Variants in SPC25 observed in about 807,000 individuals in gnomAD.
SPC25 encodes kinetochore protein Spc25.
In SPC25, 22 loss-of-function variants were observed where a neutral mutation model predicts 29.6. The ratio of observed to expected loss-of-function variants is 0.74; its 90% CI spans 0.53 to 1.06. SPC25 has a LOEUF of 1.06. SPC25 is among the 50% of genes least tolerant of loss of function. The pLI, the probability that SPC25 is intolerant of heterozygous loss-of-function variation, is 0.00. For missense variants in SPC25, 230 were observed against 255.8 expected, an observed-to-expected ratio of 0.90 and a Z score of 0.69; for synonymous variants, 91 against 90.4, an observed-to-expected ratio of 1.01 and a Z score of -0.04.
intron 3 of SPC25, among the ~76,000 whole-genome samples, chr2:168,882,239 C>A (rs770446996): frequency 5.3e-5 from 8 of 152,204 alleles, no homozygotes; most frequent in Non-Finnish European, 1.0e-4. Context: ...TAGTCTTTTA[C>A]TACTTTTTTA....
At chr2:168,887,077 G>A (rs906821916) in intron 3 of SPC25, among the ~76,000 whole-genome samples, 1 of 152,138 alleles carries the variant, frequency 6.6e-6, no homozygotes, top group Non-Finnish European at 1.5e-5. Flanking sequence ...GTTACAGAGG[G>A]AATGAGAGAA....
At chr2:168,885,214 A>G (rs533968816) in intron 3 of SPC25, among the ~76,000 whole-genome samples, 2 of 152,276 alleles carry the variant, frequency 1.3e-5, no homozygotes, top group Admixed American at 1.3e-4. Flanking sequence ...TCCCTCACTT[A>G]GTAAATGCAT....
intron 4 of SPC25, chr2:168,865,644 A>G (rs1001155809): frequency 6.6e-6 from 1 of 152,188 alleles, no homozygotes; most frequent in African/African-American, 2.4e-5. Flanking sequence ...AGAAGGAAAT[A>G]AAGGGCATTC....
chr2:168,880,807 A>G (rs961607240), intron 3 of SPC25, among the ~76,000 whole-genome samples: 1 of 152,222 alleles, frequency 6.6e-6, no homozygotes, highest in Non-Finnish European at 1.5e-5. Flanking sequence ...AATGACAGGA[A>G]TGGCTGGTCA....
chr2:168,863,545 A>C (rs1351410626), intron 4 of SPC25: 16 of 985,206 alleles, frequency 1.6e-5, no homozygotes, highest in Middle Eastern at 5.2e-4. Context: ...TCTCTATGGA[A>C]TTCTCTTTAT....
At chr2:168,863,448 T>C (rs1185347144) in intron 4 of SPC25, 2 of 985,020 alleles carry the variant, frequency 2.0e-6, no homozygotes, top group African/African-American at 1.7e-5. Context: ...AAATAAAAAG[T>C]AGCTCTTGGA....
Position 168,890,355 on chromosome 2 carries a change from A to G in SPC25, c.-52T>C. On this transcript the variant is annotated 5_prime_UTR_variant, in exon 1 of 7. Coordinates refer to ENST00000282074, the MANE Select transcript of SPC25 (RefSeq NM_020675.4). ...GCCTGAGTCCCGCCGCCTTCCCCAC[A>G]CCAGATCCGCGCCCACTCTAGCCAA... 2.0e-6 allele frequency: 2 copies of G among 985,328 alleles called. No individual in the cohort carries two copies. The highest frequency in any genetic ancestry group is 2.4e-6 in the Non-Finnish European group (2 of 829,986). The allele number at this position is 985,328 out of a possible 1,614,324, so 61.0% of individuals were successfully genotyped here. A position where few individuals can be genotyped will look rare whatever the true frequency, so the allele number is the denominator to read the frequency against.
chr2:168,868,023 C>A (rs202230121), downstream of SPC25, among the ~76,000 whole-genome samples: 39 of 132,470 alleles, frequency 2.9e-4, no homozygotes, highest in East Asian at 6.3e-3. Flanking sequence ...CACAGTGCAA[C>A]CAAACTAGAA....
At chr2:168,886,524 C>CTTTTTTT (rs112769874) in intron 3 of SPC25, among the ~76,000 whole-genome samples, 1 of 143,880 alleles carries the variant, frequency 7.0e-6, no homozygotes, top group African/African-American at 2.5e-5. Flanking sequence ...AAACTGATTT[C>CTTTTTTT]TTTTTTTTTT....
chr2:168,876,840 C>T (rs1690095748), intron 4 of SPC25, among the ~76,000 whole-genome samples: 1 of 152,068 alleles, frequency 6.6e-6, no homozygotes. Context: ...GTTCTTTATA[C>T]ATAAGAGATT....
chr2:168,868,628 C>T (rs1689917105), downstream of SPC25, among the ~76,000 whole-genome samples: 1 of 152,184 alleles, frequency 6.6e-6, no homozygotes, highest in African/African-American at 2.4e-5. Flanking sequence ...AATTCCTCGA[C>T]ACATACACTC....
intron 4 of SPC25, among the ~76,000 whole-genome samples, chr2:168,863,078 A>AAGTT (rs1689572495): frequency 6.6e-6 from 1 of 152,186 alleles, no homozygotes; most frequent in African/African-American, 2.4e-5. Context: ...TGCAGCATTT[A>AAGTT]AGTTACATCA....
At chr2:168,861,906 C>T (rs570234646) in intron 4 of SPC25, 13 of 1,494,802 alleles carry the variant, frequency 8.7e-6, no homozygotes, top group Middle Eastern at 1.7e-4. Context: ...AGCTTCAGCT[C>T]ATATTCATTT....
chr2:168,877,481 A>G, intron 3 of SPC25, 97 bp from the exon 4 acceptor site: 5 of 1,393,596 alleles, frequency 3.6e-6, no homozygotes, highest in East Asian at 2.3e-5. Flanking sequence ...AAGATTAATA[A>G]AGAATGTTTT....
At position 168,889,619 on chromosome 2, in the gene SPC25, A is replaced by G; in HGVS notation, c.-14-86T>C. ...CAATCGGGTATACAGTATTTTGGCA[A>G]TTTGTCCTTTGCTAGAAAATAGCAA... On this transcript the variant is annotated intron_variant, in intron 1 of 6. Coordinates refer to ENST00000282074, the MANE Select transcript of SPC25 (RefSeq NM_020675.4). 2.2e-6 allele frequency: 3 copies of G among 1,394,350 alleles called. No homozygotes were observed. The South Asian group carries it at 4.3e-5, about 20-fold the overall frequency. The allele number at this position is 1,394,350 out of a possible 1,614,324, so 86.4% of individuals were successfully genotyped here. A position where few individuals can be genotyped will look rare whatever the true frequency, so the allele number is the denominator to read the frequency against.
At chr2:168,861,873 A>T in intron 4 of SPC25, 1 of 1,196,412 alleles carries the variant, frequency 8.4e-7, no homozygotes, top group Non-Finnish European at 1.2e-6. Context: ...GAAACTCTGC[A>T]TCACACTGTT....
chr2:168,863,600 ATT>A, intron 4 of SPC25: 1 of 985,282 alleles, frequency 1.0e-6, no homozygotes, highest in South Asian at 4.7e-5. Flanking sequence ...TTGATGTTGT[ATT>A]AAAGTTGTCT....
chr2:168,869,066 A>G (rs1015468931), downstream of SPC25, among the ~76,000 whole-genome samples: 10 of 152,234 alleles, frequency 6.6e-5, no homozygotes, highest in African/African-American at 2.4e-4. Context: ...GAAAATCAAT[A>G]AACGTAATCC....
chr2:168,882,000 A>T (rs1029197475), intron 3 of SPC25, among the ~76,000 whole-genome samples: 1 of 152,226 alleles, frequency 6.6e-6, no homozygotes, highest in Non-Finnish European at 1.5e-5. Context: ...TTCAGAATCA[A>T]CCTAGATCAA....
Sources: allele counts gnomAD v4.1 joint callset (sites outside exome capture counted in the v4.1 genomes callset), GRCh38; gene constraint gnomAD v4.1.1; transcripts MANE v1.5; gene names NCBI Gene and HGNC (gene_info 2026-07-23, HGNC 2026-07-21).